MYO18B: variants seen among roughly 807,000 people sequenced by gnomAD.
MYO18B encodes the protein unconventional myosin-XVIIIb.
In MYO18B, 204 loss-of-function variants were observed where a neutral mutation model predicts 273.0. That is an observed-to-expected ratio of 0.75 (90% CI 0.67 to 0.84). The LOEUF (loss-of-function observed/expected upper bound fraction) is 0.84, where lower values mean the gene tolerates loss of function less well. MYO18B is among the 40% of genes least tolerant of loss of function. The pLI is 0.00. For missense variants in MYO18B, 3,212 were observed against 3,287.6 expected (o/e 0.98, Z 0.56); for synonymous variants, 1,330 against 1,305.7 (o/e 1.02, Z -0.40).
At chr22:25,924,220 G>A (rs1015345443) in intron 34 of MYO18B, among the ~76,000 whole-genome samples, 2 of 152,218 alleles carry the variant, frequency 1.3e-5, no homozygotes, top group South Asian at 2.1e-4. Flanking sequence ...CCTCTCCAAT[G>A]TACAGTATTT....
intron 34 of MYO18B, among the ~76,000 whole-genome samples, chr22:25,929,081 G>C (rs2092461259): frequency 6.8e-6 from 1 of 147,784 alleles, no homozygotes; most frequent in Non-Finnish European, 1.5e-5. Context: ...AGAATCGCTT[G>C]AACCTGGGAG....
chr22:26,034,596 A>G (rs185206224), downstream of MYO18B, among the ~76,000 whole-genome samples: 2 of 152,334 alleles, frequency 1.3e-5, no homozygotes, highest in East Asian at 3.9e-4. Flanking sequence ...GTGCCCTGCT[A>G]TGGCGTCCCT....
Position 26,026,754 on chromosome 22 carries a change from G to C in MYO18B, c.6780G>C (p.Lys2260Asn), listed in dbSNP as rs1472827930. 11 of 1,611,852 alleles carry C rather than the reference G, an allele frequency of 6.8e-6. No individual in the cohort carries two copies. Among genetic ancestry groups the C allele is most frequent in the Non-Finnish European group, 8.5e-6 (10 of 1,179,082 alleles). Residue 2260 changes from lysine (K) to asparagine (N), a missense_variant, in exon 43 of 44, where the codon AAG becomes AAC. Coordinates refer to ENST00000335473, the MANE Select transcript of MYO18B (RefSeq NM_032608.7). The part of the protein sequence containing the change: ...LSEFVEGLRR[K>N]RAQRGQGSTL... Reference sequence around the variant, plus strand: ...AGTTCGTGGAAGGGCTCCGGAGGAAGAGAGCCCAGAGAGGCCAGGGGTCCA... The same window carrying C: ...AGTTCGTGGAAGGGCTCCGGAGGAACAGAGCCCAGAGAGGCCAGGGGTCCA...
chr22:25,743,341 T>C (rs1253715737), intron 1 of MYO18B, among the ~76,000 whole-genome samples: 1 of 152,192 alleles, frequency 6.6e-6, no homozygotes, highest in Non-Finnish European at 1.5e-5. Flanking sequence ...ATTGCTGACC[T>C]AAGTTGTATT....
At chr22:25,913,714 C>G (rs557640186) in intron 33 of MYO18B, among the ~76,000 whole-genome samples, 14 of 152,176 alleles carry the variant, frequency 9.2e-5, no homozygotes, top group Non-Finnish European at 1.9e-4. Context: ...AGAAGTTTGT[C>G]TCCTTTTTCT....
chr22:25,902,493 T>G, intron 29 of MYO18B, 120 bp from the exon 30 acceptor site: 2 of 1,148,894 alleles, frequency 1.7e-6, no homozygotes, highest in Non-Finnish European at 2.4e-6. Context: ...TTCCTTTTGC[T>G]CTCTTTCTAA....
chr22:25,743,703 C>T (rs915628021), intron 1 of MYO18B, among the ~76,000 whole-genome samples: 1 of 152,152 alleles, frequency 6.6e-6, no homozygotes, highest in Non-Finnish European at 1.5e-5. Context: ...ATGTCACCTG[C>T]CTCCAGGCCT....
At chr22:26,023,307 C>T (rs150129188) in intron 42 of MYO18B, among the ~76,000 whole-genome samples, 2 of 152,168 alleles carry the variant, frequency 1.3e-5, no homozygotes, top group Non-Finnish European at 2.9e-5. Context: ...TGATTGAATT[C>T]GACAGCATTT....
At chr22:25,871,351 T>C (rs999931632) in intron 22 of MYO18B, among the ~76,000 whole-genome samples, 2 of 152,192 alleles carry the variant, frequency 1.3e-5, no homozygotes, top group Admixed American at 6.5e-5. Context: ...TGTCACTACT[T>C]GCTGAATACA....
intron 28 of MYO18B, 31 bp from the exon 29 acceptor site, chr22:25,898,276 A>G: frequency 6.2e-7 from 1 of 1,602,296 alleles, no homozygotes. Flanking sequence ...ATGCCCACAG[A>G]GCCGGGTAAT....
chr22:25,848,966 G>C (rs2090340266), intron 20 of MYO18B, among the ~76,000 whole-genome samples: 1 of 152,220 alleles, frequency 6.6e-6, no homozygotes, highest in Non-Finnish European at 1.5e-5. Context: ...ACTGGGAGCA[G>C]CTAGAAGCAA....
At chr22:25,894,474 C>G (rs1569161492) in intron 27 of MYO18B, among the ~76,000 whole-genome samples, 1 of 152,172 alleles carries the variant, frequency 6.6e-6, no homozygotes, top group Non-Finnish European at 1.5e-5. Flanking sequence ...CTAAAATATT[C>G]CATTCTAATC....
intron 11 of MYO18B, among the ~76,000 whole-genome samples, chr22:25,797,546 T>C (rs1054358452): frequency 6.6e-6 from 1 of 152,180 alleles, no homozygotes; most frequent in African/African-American, 2.4e-5. Flanking sequence ...TATCAACCTG[T>C]ACCCATAGCC....
chr22:25,936,897 C>T (rs2092585473), intron 34 of MYO18B, among the ~76,000 whole-genome samples: 1 of 152,090 alleles, frequency 6.6e-6, no homozygotes, highest in Non-Finnish European at 1.5e-5. Context: ...ACCTTATTAC[C>T]TCCCCAAAGC....
chr22:25,818,882 C>T (rs191315312), intron 12 of MYO18B, among the ~76,000 whole-genome samples: 4 of 152,148 alleles, frequency 2.6e-5, no homozygotes, highest in East Asian at 1.9e-4. Flanking sequence ...TTTAAGATTC[C>T]GTTTCACAGA....
At chr22:25,791,401 G>A (rs1292647860) in intron 11 of MYO18B, among the ~76,000 whole-genome samples, 2 of 152,016 alleles carry the variant, frequency 1.3e-5, no homozygotes, top group African/African-American at 2.4e-5. Context: ...CCAGTGTGGC[G>A]CTGGCCGGGT....
intron 25 of MYO18B, among the ~76,000 whole-genome samples, chr22:25,885,577 G>C (rs2091472891): frequency 6.6e-6 from 1 of 152,118 alleles, no homozygotes; most frequent in Non-Finnish European, 1.5e-5. Context: ...GTGTTTGGGG[G>C]GTTGAGGGGT....
intron 25 of MYO18B, among the ~76,000 whole-genome samples, chr22:25,887,074 T>A (rs1263036006): frequency 2.0e-5 from 3 of 152,192 alleles, no homozygotes; most frequent in Non-Finnish European, 4.4e-5. Flanking sequence ...AGCAAAAAGT[T>A]GCTGTTTCCT....
At chr22:25,899,608 G>A (rs949053500) in intron 29 of MYO18B, 1 of 152,196 alleles carries the variant, frequency 6.6e-6, no homozygotes, top group South Asian at 2.1e-4. Flanking sequence ...TTGGGGGATT[G>A]TTAGCGTGCT....
Sources: gnomAD v4.1 joint callset for allele counts (sites outside exome capture counted in the v4.1 genomes callset) on GRCh38, gnomAD v4.1.1 for gene constraint, MANE v1.5 for transcripts, NCBI Gene and HGNC (gene_info 2026-07-23, HGNC 2026-07-21) for gene names.